CCDC91: variants seen among roughly 807,000 people sequenced by gnomAD.
CCDC91 encodes the protein coiled-coil domain containing 91.
A neutral mutation model predicts 63.2 loss-of-function variants in CCDC91; 48 were observed. The ratio of observed to expected loss-of-function variants is 0.76; its 90% CI spans 0.60 to 0.97. The LOEUF is 0.97. Among genes scored for constraint, CCDC91 ranks in the 50% least tolerant of loss-of-function variants. CCDC91 has a pLI of 0.00. For missense variants in CCDC91, 500 were observed against 494.6 expected (o/e 1.01, Z -0.10); for synonymous variants, 167 against 165.8 (o/e 1.01, Z -0.06).
intron 11 of CCDC91, among the ~76,000 whole-genome samples, chr12:28,469,050 C>T (rs1220377413): frequency 3.3e-5 from 5 of 152,052 alleles, no homozygotes; most frequent in Admixed American, 6.6e-5. Context: ...CCACTGTCAT[C>T]ACTCTTATTC....
rs530318320 is a variant in CCDC91 at position 28,545,568 on chromosome 12, A to G, written c.1216-3495A>G. 6.6e-5 allele frequency among the ~76,000 whole-genome samples: 10 copies of G among 152,116 alleles called. No homozygotes were observed. In the South Asian group the frequency reaches 1.9e-3, roughly 28 times the overall value. The stretch of plus-strand genomic sequence containing the variant: ...GTATCGGTTCGCCTTGTTGCTTCTT[A>G]AAGTATTGTGCTCCTGTTTATTTAA... On this transcript the variant is annotated intron_variant, in intron 12 of 12. Transcript: ENST00000536442.
At chr12:28,389,607 C>T (rs1016163977) in intron 7 of CCDC91, among the ~76,000 whole-genome samples, 1 of 151,888 alleles carries the variant, frequency 6.6e-6, no homozygotes, top group African/African-American at 2.4e-5. Flanking sequence ...CTTACCTGTC[C>T]TCCAAAGGAT....
intron 12 of CCDC91, among the ~76,000 whole-genome samples, chr12:28,501,118 C>T (rs1937783621): frequency 6.6e-6 from 1 of 151,626 alleles, no homozygotes; most frequent in South Asian, 2.1e-4. Flanking sequence ...TGATGTAGCA[C>T]CAATTCTATA....
At chr12:28,202,804 A>G (rs1322134936) in intron 1 of CCDC91, among the ~76,000 whole-genome samples, 1 of 152,218 alleles carries the variant, frequency 6.6e-6, no homozygotes, top group East Asian at 1.9e-4. Context: ...AAAATCCCCT[A>G]TTGACATTTC....
At chr12:28,326,258 C>T (rs1329217608) in intron 6 of CCDC91, among the ~76,000 whole-genome samples, 10 of 152,116 alleles carry the variant, frequency 6.6e-5, no homozygotes, top group Admixed American at 1.3e-4. Flanking sequence ...GCTCAAACTA[C>T]GGTTCGTTTT....
chr12:28,450,382 G>A lies in CCDC91; in HGVS notation c.888G>A (p.Arg296=), dbSNP rs778227431. The A allele has an allele frequency of 3.0e-5, 48 of 1,612,086 alleles. No homozygotes were observed. Among genetic ancestry groups the A allele is most frequent in the Middle Eastern group, 3.3e-4 (2 of 6,072 alleles). The part of the protein sequence containing the change: ...EILEKCLEEE[R]QRNKEALVSA... Reference sequence around the variant, plus strand: ...TGGAAAAGTGTTTGGAGGAAGAAAGGCAAAGAAATAAAGAGGCATTAGTAT... The same window carrying A: ...TGGAAAAGTGTTTGGAGGAAGAAAGACAAAGAAATAAAGAGGCATTAGTAT... Residue 296 remains arginine, a synonymous_variant, in exon 10 of 13, where the codon AGG becomes AGA. Transcript: ENST00000536442.
chr12:28,488,828 C>T (rs1247531778), intron 12 of CCDC91, among the ~76,000 whole-genome samples: 2 of 151,858 alleles, frequency 1.3e-5, no homozygotes, highest in African/African-American at 4.8e-5. Flanking sequence ...ATTGAAAGAC[C>T]ATATTGTATT....
chr12:28,463,645 C>T (rs1250576008), intron 11 of CCDC91, among the ~76,000 whole-genome samples: 1 of 152,094 alleles, frequency 6.6e-6, no homozygotes, highest in Non-Finnish European at 1.5e-5. Flanking sequence ...GGATATGAAA[C>T]CAAACATGTC....
At chr12:28,359,536 T>C (rs986447106) in intron 6 of CCDC91, among the ~76,000 whole-genome samples, 9 of 152,306 alleles carry the variant, frequency 5.9e-5, no homozygotes, top group African/African-American at 1.9e-4. Flanking sequence ...AAATCCTGAT[T>C]TTAGTAAAGG....
At chr12:28,502,040 A>C in intron 12 of CCDC91, among the ~76,000 whole-genome samples, 1 of 151,746 alleles carries the variant, frequency 6.6e-6, no homozygotes, top group East Asian at 1.9e-4. Context: ...TTTCTGTGGG[A>C]TTGGTGGTGA....
chr12:28,322,741 G>T (rs563318738), intron 6 of CCDC91, among the ~76,000 whole-genome samples: 4 of 151,272 alleles, frequency 2.6e-5, no homozygotes, highest in African/African-American at 7.3e-5. Flanking sequence ...TATACTTTAT[G>T]GATAACTTCT....
chr12:28,219,929 C>T (rs1943825993), intron 1 of CCDC91, among the ~76,000 whole-genome samples: 1 of 152,058 alleles, frequency 6.6e-6, no homozygotes, highest in Admixed American at 6.5e-5. Context: ...TTTCAACTTT[C>T]TTTTGATTGA....
At chr12:28,530,829 T>C (rs1422259193) in intron 12 of CCDC91, among the ~76,000 whole-genome samples, 6 of 152,142 alleles carry the variant, frequency 3.9e-5, no homozygotes, top group Non-Finnish European at 8.8e-5. Context: ...TCCAATTAAA[T>C]ACCCCTTGAG....
chr12:28,257,121 T>C (rs533029143), intron 1 of CCDC91, 81 bp from the exon 2 acceptor site: 756 of 808,188 alleles, frequency 9.4e-4, no homozygotes, highest in Non-Finnish European at 9.5e-4. Context: ...CAAATAAATA[T>C]GTATACATTT....
At chr12:28,488,930 G>A (rs974796692) in intron 12 of CCDC91, among the ~76,000 whole-genome samples, 2 of 151,764 alleles carry the variant, frequency 1.3e-5, no homozygotes, top group Non-Finnish European at 2.9e-5. Flanking sequence ...GGTCAAATCC[G>A]GCCTGCTGCC....
intron 12 of CCDC91, among the ~76,000 whole-genome samples, chr12:28,490,646 A>C (rs1951949764): frequency 6.6e-6 from 1 of 151,920 alleles, no homozygotes; most frequent in South Asian, 2.1e-4. Flanking sequence ...GAAGGCAATG[A>C]AGTAAACAGA....
chr12:28,294,559 T>C (rs1949441524), intron 3 of CCDC91, among the ~76,000 whole-genome samples: 1 of 152,150 alleles, frequency 6.6e-6, no homozygotes, highest in Non-Finnish European at 1.5e-5. Flanking sequence ...CCCAGCCATG[T>C]GGAACAGTGA....
intron 8 of CCDC91, among the ~76,000 whole-genome samples, chr12:28,405,797 A>G (rs539136342): frequency 8.5e-5 from 13 of 152,302 alleles, no homozygotes; most frequent in Non-Finnish European, 1.9e-4. Context: ...TTGAAGGCAG[A>G]TTGTGATGCT....
chr12:28,217,366 C>T (rs1049704560), intron 1 of CCDC91, among the ~76,000 whole-genome samples: 5 of 151,980 alleles, frequency 3.3e-5, no homozygotes, highest in Admixed American at 2.0e-4. Context: ...TTGAGTTATA[C>T]GTAGCTTGTG....
Sources: gnomAD v4.1 joint callset for allele counts (sites outside exome capture counted in the v4.1 genomes callset) on GRCh38, gnomAD v4.1.1 for gene constraint, MANE v1.5 for transcripts, NCBI Gene and HGNC (gene_info 2026-07-23, HGNC 2026-07-21) for gene names.